The following MYRIP variants were observed in gnomAD, a reference collection of about 807,000 sequenced individuals.
The protein encoded by MYRIP is myosin VIIA and Rab interacting protein.
MYRIP carries 49 observed loss-of-function variants against 98.0 expected under a neutral mutation model. The ratio of observed to expected loss-of-function variants is 0.50; its 90% CI spans 0.40 to 0.63. The LOEUF is 0.63. Ranked by LOEUF, MYRIP falls within the 30% of genes least tolerant of loss-of-function variation. The pLI, the probability that MYRIP is intolerant of heterozygous loss-of-function variation, is 0.00. For missense variants in MYRIP, 1,004 were observed against 1,058.2 expected (o/e 0.95, Z 0.71); for synonymous variants, 404 against 409.5 (o/e 0.99, Z 0.16).
intron 1 of MYRIP, among the ~76,000 whole-genome samples, chr3:39,835,417 C>G (rs1292987313): frequency 6.6e-6 from 1 of 152,052 alleles, no homozygotes; most frequent in Non-Finnish European, 1.5e-5. Context: ...CAGAGATTGG[C>G]AGATTTTTAT....
intron 10 of MYRIP, among the ~76,000 whole-genome samples, chr3:40,200,324 T>C (rs573707856): frequency 4.6e-5 from 7 of 152,160 alleles, no homozygotes; most frequent in Non-Finnish European, 7.4e-5. Context: ...GAATTTGTGT[T>C]GGGCTCAATT....
intron 2 of MYRIP, among the ~76,000 whole-genome samples, chr3:40,038,393 A>G (rs1212654151): frequency 6.6e-6 from 1 of 152,124 alleles, no homozygotes; most frequent in East Asian, 1.9e-4. Context: ...AGAAGAAATA[A>G]TAAAGATAAG....
chr3:39,946,393 T>G (rs1043143184), intron 2 of MYRIP, among the ~76,000 whole-genome samples: 10 of 152,052 alleles, frequency 6.6e-5, no homozygotes, highest in Non-Finnish European at 1.3e-4. Flanking sequence ...GATTATGTAG[T>G]GTGATATGAA....
intron 2 of MYRIP, among the ~76,000 whole-genome samples, chr3:40,039,984 T>A (rs1947473777): frequency 6.6e-6 from 1 of 152,156 alleles, no homozygotes; most frequent in Non-Finnish European, 1.5e-5. Context: ...CTCCAATCTC[T>A]GCCTTTGTCT....
intron 1 of MYRIP, among the ~76,000 whole-genome samples, chr3:39,884,610 A>T (rs1575342197): frequency 6.6e-6 from 1 of 152,128 alleles, no homozygotes; most frequent in East Asian, 1.9e-4. Flanking sequence ...TATATAATAG[A>T]AACATATATT....
intron 3 of MYRIP, among the ~76,000 whole-genome samples, chr3:40,102,476 T>C (rs1304253834): frequency 6.6e-6 from 1 of 152,180 alleles, no homozygotes; most frequent in Non-Finnish European, 1.5e-5. Context: ...TGTGGCCCCA[T>C]AGGAGTTTTG....
intron 2 of MYRIP, among the ~76,000 whole-genome samples, chr3:39,915,663 A>G (rs1339264463): frequency 6.6e-6 from 1 of 151,900 alleles, no homozygotes; most frequent in Admixed American, 6.6e-5. Context: ...CTGCAAAATT[A>G]GAAGACATAG....
intron 2 of MYRIP, among the ~76,000 whole-genome samples, chr3:40,034,072 C>G (rs536398155): frequency 1.3e-5 from 2 of 152,176 alleles, no homozygotes; most frequent in South Asian, 4.1e-4. Context: ...AAAATTAATT[C>G]AAGATGGATT....
At chr3:39,868,489 T>C (rs1285122973) in intron 1 of MYRIP, among the ~76,000 whole-genome samples, 1 of 152,194 alleles carries the variant, frequency 6.6e-6, no homozygotes, top group African/African-American at 2.4e-5. Flanking sequence ...GTGTTCTGCT[T>C]GGGAGTTCTG....
At chr3:40,018,339 T>C (rs1353003835) in intron 2 of MYRIP, among the ~76,000 whole-genome samples, 1 of 152,170 alleles carries the variant, frequency 6.6e-6, no homozygotes, top group Non-Finnish European at 1.5e-5. Flanking sequence ...ATAAATCGAG[T>C]GCTTGTCTCT....
At chr3:40,179,848 G>A (rs960979226) in intron 8 of MYRIP, among the ~76,000 whole-genome samples, 2 of 152,174 alleles carry the variant, frequency 1.3e-5, no homozygotes, top group African/African-American at 4.8e-5. Context: ...CCAATCCCAA[G>A]GTACACCAGG....
chr3:40,005,926 A>G (rs2125790311), intron 2 of MYRIP, among the ~76,000 whole-genome samples: 1 of 152,330 alleles, frequency 6.6e-6, no homozygotes, highest in Non-Finnish European at 1.5e-5. Flanking sequence ...TTTGAGAGTC[A>G]CAGGGGGATT....
Position 39,870,022 on chromosome 3 carries a change from GGA to G in MYRIP, c.-30-30759_-30-30758del, listed in dbSNP as rs1942737452. Among the ~76,000 whole-genome samples, 3 of 152,164 alleles carry G rather than the reference GGA, an allele frequency of 2.0e-5. No homozygotes were observed. In the South Asian group the frequency reaches 6.2e-4, roughly 32 times the overall value. On this transcript the variant is annotated intron_variant, in intron 1 of 16. Transcript: ENST00000302541. Reference sequence around the variant, plus strand: ...GGGAGTTGCCTAGGTGAAATGCCAAGGAGAGAGGCCTGAAGCACACAGTATTT... The same window carrying G: ...GGGAGTTGCCTAGGTGAAATGCCAAGGAGAGGCCTGAAGCACACAGTATTT...
chr3:39,967,883 C>A (rs1945479511), intron 2 of MYRIP, among the ~76,000 whole-genome samples: 1 of 152,140 alleles, frequency 6.6e-6, no homozygotes, highest in Non-Finnish European at 1.5e-5. Flanking sequence ...GTTATGTCTT[C>A]TTTTGAAAGG....
At chr3:40,038,948 T>C (rs965625785) in intron 2 of MYRIP, among the ~76,000 whole-genome samples, 5 of 152,082 alleles carry the variant, frequency 3.3e-5, no homozygotes, top group Non-Finnish European at 5.9e-5. Context: ...AGGGGACATA[T>C]GGGAATCTGG....
chr3:40,035,957 C>T (rs1051378906), intron 2 of MYRIP, among the ~76,000 whole-genome samples: 3 of 151,636 alleles, frequency 2.0e-5, no homozygotes, highest in Non-Finnish European at 4.4e-5. Context: ...GAAGTACTTA[C>T]CCAGAATGTA....
chr3:40,165,675 A>G (rs1283723904), intron 5 of MYRIP, among the ~76,000 whole-genome samples: 1 of 151,958 alleles, frequency 6.6e-6, no homozygotes, highest in Non-Finnish European at 1.5e-5. Context: ...AGGGAAACAG[A>G]ACTTTTCCCA....
chr3:40,015,759 C>T (rs1946849540), intron 2 of MYRIP, among the ~76,000 whole-genome samples: 2 of 152,184 alleles, frequency 1.3e-5, no homozygotes, highest in Admixed American at 1.3e-4. Flanking sequence ...TTATTTTGTA[C>T]TCTGTGTCTT....
Position 40,259,933 on chromosome 3 carries a change from G to C in MYRIP, c.*1767G>C, listed in dbSNP as rs1953713808. The C allele has an allele frequency of 6.6e-6, 1 of 152,568 alleles. No individual in the cohort carries two copies. Among genetic ancestry groups the C allele is most frequent in the Non-Finnish European group, 1.5e-5 (1 of 68,006 alleles). The allele number at this position is 152,568 out of a possible 1,614,324, so 9.5% of individuals were successfully genotyped here. A position where few individuals can be genotyped will look rare whatever the true frequency, so the allele number is the denominator to read the frequency against. The stretch of plus-strand genomic sequence containing the variant: ...GTGTTAAAAATATTCAGTTTTCTTT[G>C]ACAAAAATGTGTACTGTGTAAGCCT... On this transcript the variant is annotated 3_prime_UTR_variant, in exon 17 of 17. Coordinates refer to ENST00000302541, the MANE Select transcript of MYRIP (RefSeq NM_015460.4).
Sources: allele counts gnomAD v4.1 joint callset (sites outside exome capture counted in the v4.1 genomes callset), GRCh38; gene constraint gnomAD v4.1.1; transcripts MANE v1.5; gene names NCBI Gene and HGNC (gene_info 2026-07-23, HGNC 2026-07-21).